Variants in VPS45 observed in about 807,000 individuals in gnomAD.
VPS45 encodes vacuolar protein sorting-associated protein 45.
Under a neutral mutation model 75.9 loss-of-function variants are expected in VPS45, and 35 were observed. The observed-to-expected ratio is 0.46, with a 90% CI of 0.35 to 0.61. The LOEUF (loss-of-function observed/expected upper bound fraction) is 0.61. VPS45 is among the 20% of genes least tolerant of loss of function. The probability of loss-of-function intolerance (pLI) is 0.00; values close to 1 mark genes in which losing one functional copy is unlikely to be tolerated. For missense variants in VPS45, 559 were observed against 685.9 expected (o/e 0.81, Z 2.07); for synonymous variants, 220 against 238.2 (o/e 0.92, Z 0.70).
At chr1:150,099,000 ATTTT>A (rs1656818572) in intron 13 of VPS45, 2 of 1,109,416 alleles carry the variant, frequency 1.8e-6, no homozygotes, top group Non-Finnish European at 2.2e-6. Flanking sequence ...GCTACAGCTT[ATTTT>A]TTGTTTCTGT....
At chr1:150,094,463 A>G (rs1416432628) in intron 13 of VPS45, among the ~76,000 whole-genome samples, 6 of 152,160 alleles carry the variant, frequency 3.9e-5, no homozygotes, top group African/African-American at 1.2e-4. Context: ...TTTGAGATAC[A>G]TAGGTGATTC....
intron 14 of VPS45, among the ~76,000 whole-genome samples, chr1:150,132,917 G>T (rs1457695675): frequency 1.3e-5 from 2 of 152,166 alleles, no homozygotes; most frequent in South Asian, 2.1e-4. Context: ...CTGGCAGAGG[G>T]TAAGCACTCA....
intron 13 of VPS45, among the ~76,000 whole-genome samples, chr1:150,105,774 T>A (rs1553805569): frequency 4.6e-5 from 7 of 152,176 alleles, no homozygotes; most frequent in Non-Finnish European, 1.0e-4. Context: ...AAAGTTGATA[T>A]GGAACCAGAA....
chr1:150,103,922 C>A (rs1559923587), intron 13 of VPS45, among the ~76,000 whole-genome samples: 1 of 152,120 alleles, frequency 6.6e-6, no homozygotes, highest in Non-Finnish European at 1.5e-5. Context: ...TCCCTCCCTT[C>A]TTCTTAATAA....
At chr1:150,077,615 A>G (rs2101521423) in intron 6 of VPS45, 54 bp from the exon 7 acceptor site, 6 of 1,225,948 alleles carry the variant, frequency 4.9e-6, no homozygotes, top group South Asian at 1.2e-5. Context: ...TATTTATATC[A>G]TTTCTATATG....
At chr1:150,098,289 T>C (rs1382066219) in intron 13 of VPS45, among the ~76,000 whole-genome samples, 1 of 152,258 alleles carries the variant, frequency 6.6e-6, no homozygotes, top group African/African-American at 2.4e-5. Flanking sequence ...AAGTATTATG[T>C]TTTGTTAATC....
intron 14 of VPS45, among the ~76,000 whole-genome samples, chr1:150,112,985 G>A (rs587690341): frequency 2.0e-5 from 3 of 152,170 alleles, no homozygotes; most frequent in South Asian, 2.1e-4. Context: ...ACCTTGATAC[G>A]TTCACCAACC....
chr1:150,082,943 G>A, intron 10 of VPS45, 60 bp downstream of exon 10: 1 of 1,474,360 alleles, frequency 6.8e-7, no homozygotes, highest in Admixed American at 2.5e-5. Context: ...CAGAGCAAGA[G>A]ATAAAAAGGC....
intron 12 of VPS45, 111 bp downstream of exon 12, chr1:150,092,520 A>T (rs1392765330): frequency 1.2e-6 from 1 of 849,814 alleles, no homozygotes; most frequent in African/African-American, 1.7e-5. Flanking sequence ...CTAATTTAGT[A>T]CTGTGTCAGT....
intron 12 of VPS45, among the ~76,000 whole-genome samples, chr1:150,093,306 T>TA (rs1553802399): frequency 1.3e-5 from 2 of 152,208 alleles, no homozygotes; most frequent in East Asian, 1.9e-4. Flanking sequence ...ATTCCATTTT[T>TA]AAAAAATCCT....
Position 150,081,956 on chromosome 1 carries a change from C to T in VPS45, c.895C>T (p.Pro299Ser), listed in dbSNP as rs781867731. ...CATGGAAGATTTTCAGAAGAAGAAA[C>T]CAAAAGAACAGCAAAAACTAGAATC... ...NLMEDFQKKKPKEQQKLESIA... is the reference protein window; with the variant it reads ...NLMEDFQKKKSKEQQKLESIA... The change falls in exon 9 of 15, where the codon CCA becomes TCA. Residue 299 changes from proline (P) to serine (S), a missense_variant. By Grantham distance (74) the Pro-to-Ser change is moderately conservative (BLOSUM62 -1). Transcript: ENST00000644510. 6.2e-7 allele frequency: 1 copy of T among 1,612,676 alleles called. No homozygotes were observed. The highest frequency in any genetic ancestry group is 2.2e-5 in the East Asian group (1 of 44,762).
chr1:150,098,208 A>G (rs1553803436), intron 13 of VPS45, among the ~76,000 whole-genome samples: 1 of 152,242 alleles, frequency 6.6e-6, no homozygotes, highest in Non-Finnish European at 1.5e-5. Context: ...ACCTCTGGAT[A>G]TTGAGACAGT....
intron 14 of VPS45, among the ~76,000 whole-genome samples, chr1:150,130,321 T>C (rs1658766271): frequency 6.6e-6 from 1 of 150,938 alleles, no homozygotes. Flanking sequence ...CCCGAGTAGC[T>C]GGGACTACAC....
At chr1:150,097,641 C>T (rs1354565412) in intron 13 of VPS45, among the ~76,000 whole-genome samples, 4 of 151,620 alleles carry the variant, frequency 2.6e-5, no homozygotes, top group African/African-American at 4.8e-5. Context: ...ATCGCTTGAA[C>T]CAGGGAGGTG....
chr1:150,091,087 T>C (rs1656300050), intron 10 of VPS45, among the ~76,000 whole-genome samples: 1 of 152,224 alleles, frequency 6.6e-6, no homozygotes, highest in Non-Finnish European at 1.5e-5. Context: ...ATTTCCATAT[T>C]TATCCATCTC....
At chr1:150,139,250 T>G (rs1029513987) in intron 14 of VPS45, among the ~76,000 whole-genome samples, 2 of 152,196 alleles carry the variant, frequency 1.3e-5, no homozygotes, top group Non-Finnish European at 2.9e-5. Flanking sequence ...TGGTCTCTCC[T>G]TATAGCCCGC....
rs782320365 is a variant in VPS45 at position 150,093,613 on chromosome 1, A to G, written c.1458A>G (p.Leu486=). Residue 486 remains leucine, a synonymous_variant, in exon 13 of 15, where the codon CTA becomes CTG. Transcript: ENST00000644510. ...HLIKGRLKEN[L]YPYLGPSTLR... ...TCAAAGGAAGGCTTAAGGAAAACCT[A>G]TATCCTTATTTAGGCCCCAGCACAC... 6 of 1,613,790 alleles carry G rather than the reference A, an allele frequency of 3.7e-6. No homozygotes were observed. Among genetic ancestry groups the G allele is most frequent in the Non-Finnish European group, 5.1e-6 (6 of 1,179,902 alleles).
At chr1:150,107,593 C>A (rs1032660893) in intron 13 of VPS45, among the ~76,000 whole-genome samples, 1 of 152,144 alleles carries the variant, frequency 6.6e-6, no homozygotes, top group Non-Finnish European at 1.5e-5. Context: ...GCTGCCAAAA[C>A]TATCCTTCAA....
intron 2 of VPS45, among the ~76,000 whole-genome samples, chr1:150,070,515 G>A (rs138041535): frequency 0.014 from 2,053 of 151,916 alleles, 38 homozygotes; most frequent in African/African-American, 0.047. Context: ...CCTTTTGGCC[G>A]GGCGCGGTGG....
Sources: gnomAD v4.1 joint callset for allele counts (sites outside exome capture counted in the v4.1 genomes callset) on GRCh38, gnomAD v4.1.1 for gene constraint, MANE v1.5 for transcripts, NCBI Gene and HGNC (gene_info 2026-07-23, HGNC 2026-07-21) for gene names.